Variants in ERMARD observed in about 807,000 individuals in gnomAD.
ERMARD encodes the protein ER membrane associated RNA degradation, also known as endoplasmic reticulum membrane-associated RNA degradation protein.
ERMARD carries 71 observed loss-of-function variants against 83.9 expected under a neutral mutation model. That is an observed-to-expected ratio of 0.85 (90% confidence interval 0.70 to 1.03). The LOEUF (loss-of-function observed/expected upper bound fraction) is 1.03. Among genes scored for constraint, ERMARD ranks in the 50% least tolerant of loss-of-function variants. ERMARD has a pLI of 0.00. For missense variants in ERMARD, 838 were observed against 810.9 expected, an observed-to-expected ratio of 1.03 and a Z score of -0.41; for synonymous variants, 284 against 298.6, an observed-to-expected ratio of 0.95 and a Z score of 0.50.
At chr6:169,774,995 TGGGG>T (rs1292157302) in intron 13 of ERMARD, among the ~76,000 whole-genome samples, 1 of 151,838 alleles carries the variant, frequency 6.6e-6, no homozygotes, top group African/African-American at 2.4e-5. Context: ...GCAGATTTGG[TGGGG>T]GCCTCCCTCT....
At chr6:169,754,277 G>A (rs1244252080) in intron 2 of ERMARD, among the ~76,000 whole-genome samples, 1 of 152,038 alleles carries the variant, frequency 6.6e-6, no homozygotes, top group Non-Finnish European at 1.5e-5. Flanking sequence ...GAGGCACAGA[G>A]GGGCTGGTGG....
intron 5 of ERMARD, among the ~76,000 whole-genome samples, 177 bp from the exon 6 acceptor site, chr6:169,758,791 C>T (rs541275223): frequency 3.3e-5 from 5 of 152,218 alleles, no homozygotes; most frequent in African/African-American, 9.6e-5. Context: ...TGTACATGTA[C>T]AAAATGTGTC....
intron 17 of ERMARD, among the ~76,000 whole-genome samples, chr6:169,780,271 A>G (rs1794057320): frequency 6.6e-6 from 1 of 151,960 alleles, no homozygotes; most frequent in South Asian, 2.1e-4. Flanking sequence ...TACCAATGGC[A>G]CCCCTACCCT....
At chr6:169,756,499 A>G (rs1476279613) in intron 4 of ERMARD, 60 bp downstream of exon 4, 5 of 1,264,050 alleles carry the variant, frequency 4.0e-6, no homozygotes, top group Non-Finnish European at 5.6e-6. Flanking sequence ...ACATGAAACT[A>G]TTTTACAGTT....
Position 169,755,308 on chromosome 6 carries a change from C to T in ERMARD, c.201C>T (p.Ser67=), listed in dbSNP as rs527584203. Residue 67 remains serine (S), a synonymous_variant, in exon 3 of 18, where the codon AGC becomes AGT. Coordinates refer to ENST00000366773, the MANE Select transcript of ERMARD (RefSeq NM_018341.3). ...ESEQGLDYWG[S]VRLLGPVCEA... ...AGCAGGGTCTGGATTACTGGGGAAG[C>T]GTGAGGCTGCTGGGCCCTGTGTGTG... 143 of 1,613,930 alleles carry T rather than the reference C, an allele frequency of 8.9e-5. 1 individual carries two copies. The South Asian group carries it at 1.4e-3, about 16-fold the overall frequency.
chr6:169,764,837 CAG>C (rs1792001644), intron 9 of ERMARD, among the ~76,000 whole-genome samples: 1 of 152,220 alleles, frequency 6.6e-6, no homozygotes, highest in Admixed American at 6.5e-5. Flanking sequence ...CGCTCCAGGT[CAG>C]GGGCTGTGGC....
At chr6:169,776,785 T>C (rs1439096563) in intron 16 of ERMARD, 112 bp downstream of exon 16, 2 of 1,255,436 alleles carry the variant, frequency 1.6e-6, no homozygotes, top group African/African-American at 1.5e-5. Context: ...CTGAACCCCA[T>C]CGACAGGTGT....
intron 13 of ERMARD, among the ~76,000 whole-genome samples, chr6:169,774,361 G>A (rs1793334215): frequency 1.3e-5 from 2 of 152,184 alleles, no homozygotes; most frequent in Admixed American, 6.5e-5. Context: ...CCCCGTTGGC[G>A]CTGTGGACCA....
intron 16 of ERMARD, among the ~76,000 whole-genome samples, chr6:169,777,141 G>C (rs1759621318): frequency 6.6e-6 from 1 of 152,180 alleles, no homozygotes; most frequent in South Asian, 2.1e-4. Context: ...CTTGTGAGTG[G>C]GGGTAGAGGA....
At chr6:169,762,076 A>G (rs1464698228) in intron 8 of ERMARD, among the ~76,000 whole-genome samples, 1 of 152,008 alleles carries the variant, frequency 6.6e-6, no homozygotes, top group Non-Finnish European at 1.5e-5. Context: ...TGGTGTCAAT[A>G]TTATTTTTGT....
intron 9 of ERMARD, among the ~76,000 whole-genome samples, chr6:169,764,645 A>G (rs1391719859): frequency 6.6e-6 from 1 of 152,054 alleles, no homozygotes; most frequent in African/African-American, 2.4e-5. Context: ...CTCCTCGATG[A>G]TGTCCTGCTG....
In ERMARD at chr6:169,779,314, G is replaced by A. The variant is rs1285640474; in HGVS notation, c.1853+19G>A. ...ACCTAAAGTAAGTGTGTCACAGTAT[G>A]TCTGCAGTCACATTGCATCGTGGGG... is the stretch of plus-strand genomic sequence containing the variant. On this transcript the variant is annotated intron_variant, in intron 17 of 17. Transcript: ENST00000366773. The A allele has an allele frequency of 1.2e-6, 2 of 1,602,414 alleles. No homozygotes were observed. The highest frequency in any genetic ancestry group is 2.2e-5 in the East Asian group (1 of 44,836).
chr6:169,777,929 C>T (rs1041112771), intron 16 of ERMARD, among the ~76,000 whole-genome samples: 2 of 152,242 alleles, frequency 1.3e-5, no homozygotes, highest in African/African-American at 2.4e-5. Flanking sequence ...CATTTTCCAA[C>T]CTGCTTATTC....
intron 13 of ERMARD, among the ~76,000 whole-genome samples, chr6:169,774,597 T>C (rs1288682082): frequency 6.6e-6 from 1 of 152,216 alleles, no homozygotes; most frequent in Non-Finnish European, 1.5e-5. Context: ...CTCACAGGTA[T>C]TCAGGCAGCT....
chr6:169,761,684 G>GTTTTGTTTTA (rs777388233), intron 8 of ERMARD, among the ~76,000 whole-genome samples: 19 of 152,102 alleles, frequency 1.2e-4, no homozygotes, highest in Non-Finnish European at 2.1e-4. Flanking sequence ...GTTTTGTTTT[G>GTTTTGTTTTA]TTTTGTTTTG....
At chr6:169,752,235 A>G (rs934978648) in intron 1 of ERMARD, among the ~76,000 whole-genome samples, 2 of 152,340 alleles carry the variant, frequency 1.3e-5, no homozygotes, top group Non-Finnish European at 2.9e-5. Context: ...GATGATAACG[A>G]TAACTACCAT....
chr6:169,761,945 A>G (rs979287727), intron 8 of ERMARD, among the ~76,000 whole-genome samples: 1 of 151,836 alleles, frequency 6.6e-6, no homozygotes, highest in Non-Finnish European at 1.5e-5. Flanking sequence ...AGCCTCCCAA[A>G]GTGCTGGGAT....
At chr6:169,780,187 GCA>G (rs1348283066) in intron 17 of ERMARD, among the ~76,000 whole-genome samples, 2 of 152,164 alleles carry the variant, frequency 1.3e-5, no homozygotes, top group African/African-American at 2.4e-5. Context: ...GGCACTGCTG[GCA>G]TTGTGGGCTG....
intron 11 of ERMARD, among the ~76,000 whole-genome samples, 180 bp from the exon 12 acceptor site, chr6:169,769,360 C>T (rs1324872322): frequency 3.9e-5 from 6 of 152,234 alleles, no homozygotes; most frequent in Non-Finnish European, 8.8e-5. Flanking sequence ...GCTTTCCCCA[C>T]AGCCTCTCTG....
Sources: gnomAD v4.1 joint callset for allele counts (sites outside exome capture counted in the v4.1 genomes callset) on GRCh38, gnomAD v4.1.1 for gene constraint, MANE v1.5 for transcripts, NCBI Gene and HGNC (gene_info 2026-07-23, HGNC 2026-07-21) for gene names.